The following EML4 variants were observed in gnomAD, a reference collection of about 807,000 sequenced individuals.
The protein encoded by EML4 is EMAP like 4.
A neutral mutation model predicts 129.0 loss-of-function variants in EML4; 72 were observed. The observed-to-expected ratio is 0.56, with a 90% CI of 0.46 to 0.68. The LOEUF (loss-of-function observed/expected upper bound fraction) is 0.68, where lower values mean the gene tolerates loss of function less well. Among genes scored for constraint, EML4 ranks in the 30% least tolerant of loss-of-function variants. The probability of loss-of-function intolerance (pLI) is 0.00; values close to 1 mark genes in which losing one functional copy is unlikely to be tolerated. For missense variants in EML4, 1,363 were observed against 1,190.6 expected (o/e 1.14, Z -2.13); for synonymous variants, 532 against 405.0 (o/e 1.31, Z -3.77).
intron 2 of EML4, among the ~76,000 whole-genome samples, chr2:42,254,249 G>C (rs2104346404): frequency 6.6e-6 from 1 of 152,236 alleles, no homozygotes; most frequent in South Asian, 2.1e-4. Flanking sequence ...GAACCTAAGA[G>C]TTAGAGACCA....
intron 1 of EML4, among the ~76,000 whole-genome samples, chr2:42,188,294 AAAT>A (rs1671380778): frequency 6.6e-6 from 1 of 152,180 alleles, no homozygotes; most frequent in Admixed American, 6.5e-5. Flanking sequence ...AGGAAATGGA[AAAT>A]AATGTAGAGG....
chr2:42,188,619 C>G (rs1020743347), intron 1 of EML4, among the ~76,000 whole-genome samples: 3 of 151,914 alleles, frequency 2.0e-5, no homozygotes, highest in Non-Finnish European at 4.4e-5. Flanking sequence ...GATCTTGGCT[C>G]ACTGCAGCCT....
intron 1 of EML4, among the ~76,000 whole-genome samples, chr2:42,182,439 C>G (rs1441984427): frequency 6.6e-6 from 1 of 151,934 alleles, no homozygotes; most frequent in African/African-American, 2.4e-5. Context: ...GGCTGCCTTT[C>G]TCATCCACCT....
At chr2:42,223,451 A>G (rs866442032) in intron 1 of EML4, among the ~76,000 whole-genome samples, 1 of 152,164 alleles carries the variant, frequency 6.6e-6, no homozygotes, top group South Asian at 2.1e-4. Context: ...CTGTAAAGAC[A>G]TGCTTTGAAG....
At chr2:42,304,912 A>T (rs979894259) in intron 17 of EML4, among the ~76,000 whole-genome samples, 2 of 152,160 alleles carry the variant, frequency 1.3e-5, no homozygotes, top group Non-Finnish European at 2.9e-5. Context: ...TGAGGTCAGG[A>T]GTTCGAAACC....
chr2:42,171,516 C>T (rs1165883368), intron 1 of EML4, among the ~76,000 whole-genome samples: 1 of 152,158 alleles, frequency 6.6e-6, no homozygotes, highest in Non-Finnish European at 1.5e-5. Flanking sequence ...GTTTATGAGG[C>T]AAGTGATACA....
chr2:42,184,717 A>T (rs1007718886), intron 1 of EML4, among the ~76,000 whole-genome samples: 7 of 151,956 alleles, frequency 4.6e-5, no homozygotes, highest in African/African-American at 1.7e-4. Context: ...ATCCACAGGG[A>T]TTTTCTGTCC....
rs1189246828 is a variant in EML4 at position 42,169,380 on chromosome 2, G to A, written c.-232G>A. 3.4e-6 allele frequency: 1 copy of A among 290,628 alleles called. No homozygotes were observed. Among genetic ancestry groups the A allele is most frequent in the Non-Finnish European group, 6.4e-6 (1 of 156,218 alleles). The allele number at this position is 290,628 out of a possible 1,614,324, so 18.0% of individuals were successfully genotyped here. A position where few individuals can be genotyped will look rare whatever the true frequency, so the allele number is the denominator to read the frequency against. On this transcript the variant is annotated 5_prime_UTR_variant, in exon 1 of 23. Coordinates refer to ENST00000318522, the MANE Select transcript of EML4 (RefSeq NM_019063.5). ...GGCGCTCGCGGCTGCTGCCTGGGAG[G>A]GAGGCCGGGCAGGCGGCTGAGCGGC...
chr2:42,304,292 C>T (rs955347652), intron 16 of EML4, among the ~76,000 whole-genome samples, 192 bp from the exon 17 acceptor site: 4 of 152,252 alleles, frequency 2.6e-5, no homozygotes, highest in Admixed American at 2.0e-4. Flanking sequence ...TCCCTCACCA[C>T]TCTGCCAGCA....
At chr2:42,271,093 C>CA (rs1360042347) in intron 6 of EML4, among the ~76,000 whole-genome samples, 2 of 151,996 alleles carry the variant, frequency 1.3e-5, no homozygotes, top group Non-Finnish European at 2.9e-5. Context: ...AAGGTTTCGC[C>CA]ATGTTGCCCA....
chr2:42,175,610 T>G (rs1170361843), intron 1 of EML4, among the ~76,000 whole-genome samples: 2 of 151,864 alleles, frequency 1.3e-5, no homozygotes, highest in Middle Eastern at 3.2e-3. Flanking sequence ...GCGATTCTTG[T>G]GCCTCAGCCT....
At chr2:42,301,435 C>T in intron 14 of EML4, 43 bp downstream of exon 14, 1 of 1,463,634 alleles carries the variant, frequency 6.8e-7, no homozygotes, top group Middle Eastern at 1.8e-4. Flanking sequence ...ATACTCTAAA[C>T]TCAGGTATTT....
chr2:42,245,459 C>T (rs780811607), intron 1 of EML4, 46 bp from the exon 2 acceptor site: 3 of 1,481,480 alleles, frequency 2.0e-6, no homozygotes, highest in East Asian at 2.5e-5. Context: ...AATTACTTCT[C>T]AAGCAGTTTA....
At chr2:42,256,689 G>C in intron 3 of EML4, 59 bp downstream of exon 3, 1 of 1,587,588 alleles carries the variant, frequency 6.3e-7, no homozygotes, top group East Asian at 2.2e-5. Flanking sequence ...ATGTGGTAGA[G>C]ATCTCCCTTT....
rs572482048 is a variant in EML4, at chr2:42,250,952, C to T, written c.208+5265C>T. ...GGCATTAGATTCTCATAGGAGCATGCAACCTAGATCCCTCACATGTACAGT... is the reference window on the plus strand; with the variant it reads ...GGCATTAGATTCTCATAGGAGCATGTAACCTAGATCCCTCACATGTACAGT... On this transcript the variant is annotated intron_variant, in intron 2 of 22. Transcript: ENST00000318522. Among the ~76,000 whole-genome samples, 7 of 152,274 alleles carry T rather than the reference C, an allele frequency of 4.6e-5. No homozygotes were observed. The South Asian group carries it at 1.0e-3, about 23-fold the overall frequency.
At chr2:42,199,343 G>A (rs1364438974) in intron 1 of EML4, among the ~76,000 whole-genome samples, 1 of 152,178 alleles carries the variant, frequency 6.6e-6, no homozygotes, top group African/African-American at 2.4e-5. Context: ...CAGGCTAATG[G>A]TGGCTGAAAA....
At chr2:42,281,027 A>C in intron 7 of EML4, 54 bp downstream of exon 7, 16 of 1,401,022 alleles carry the variant, frequency 1.1e-5, no homozygotes, top group Non-Finnish European at 1.5e-5. Context: ...TAGTTAACAA[A>C]TCAGTTAACG....
At chr2:42,174,726 A>G (rs1428039151) in intron 1 of EML4, among the ~76,000 whole-genome samples, 2 of 152,236 alleles carry the variant, frequency 1.3e-5, no homozygotes, top group Non-Finnish European at 2.9e-5. Flanking sequence ...ACAGTTTACA[A>G]AGAGCTTTTA....
chr2:42,284,433 T>G (rs1243436438), intron 8 of EML4, among the ~76,000 whole-genome samples: 3 of 152,238 alleles, frequency 2.0e-5, no homozygotes, highest in Non-Finnish European at 2.9e-5. Flanking sequence ...TTCATTAATC[T>G]GTGCAGCTTA....
Sources: gnomAD v4.1 joint callset for allele counts (sites outside exome capture counted in the v4.1 genomes callset) on GRCh38, gnomAD v4.1.1 for gene constraint, MANE v1.5 for transcripts, NCBI Gene and HGNC (gene_info 2026-07-23, HGNC 2026-07-21) for gene names.